ADAMTS6: variants seen among roughly 807,000 people sequenced by gnomAD.
The protein encoded by ADAMTS6 is A disintegrin and metalloproteinase with thrombospondin motifs 6.
Under a neutral mutation model 144.3 loss-of-function variants are expected in ADAMTS6, and 23 were observed. The ratio of observed to expected loss-of-function variants is 0.16; its 90% CI spans 0.11 to 0.23. ADAMTS6 has a LOEUF of 0.23. Ranked by LOEUF, ADAMTS6 falls within the 10% of genes least tolerant of loss-of-function variation. ADAMTS6 has a pLI of 1.00. For missense variants in ADAMTS6, 999 were observed against 1,379.6 expected (o/e 0.72, Z 4.37); for synonymous variants, 444 against 457.5 (o/e 0.97, Z 0.38).
intron 14 of ADAMTS6, among the ~76,000 whole-genome samples, chr5:65,254,389 T>C (rs1019610310): frequency 6.6e-6 from 1 of 151,948 alleles, no homozygotes; most frequent in Non-Finnish European, 1.5e-5. Context: ...AAAGAAAAAA[T>C]TCTAATAAAA....
At chr5:65,156,876 T>C (rs963523982) in intron 24 of ADAMTS6, among the ~76,000 whole-genome samples, 3 of 152,214 alleles carry the variant, frequency 2.0e-5, no homozygotes, top group Non-Finnish European at 4.4e-5. Flanking sequence ...TGTGAGGATA[T>C]TGGAAAGGTA....
chr5:65,339,399 G>C (rs1319811406), intron 7 of ADAMTS6, among the ~76,000 whole-genome samples: 2 of 150,230 alleles, frequency 1.3e-5, no homozygotes, highest in Non-Finnish European at 2.9e-5. Context: ...AGAAGAGGTA[G>C]CTTTTCTACC....
At chr5:65,219,763 A>AAT (rs1178612336) in intron 18 of ADAMTS6, among the ~76,000 whole-genome samples, 1 of 152,232 alleles carries the variant, frequency 6.6e-6, no homozygotes, top group Non-Finnish European at 1.5e-5. Flanking sequence ...TAAAATGCTC[A>AAT]ATATATCAAG....
Position 65,181,981 on chromosome 5 carries a change from T to C in ADAMTS6, c.2910+6035A>G, listed in dbSNP as rs574391381. Among the ~76,000 whole-genome samples, 35 of 152,360 alleles carry C rather than the reference T, an allele frequency of 2.3e-4. 1 individual carries two copies. Among genetic ancestry groups the C allele is most frequent in the African/African-American group, 8.4e-4 (35 of 41,596 alleles). On this transcript the variant is annotated intron_variant, in intron 22 of 24. Coordinates refer to ENST00000381055, the MANE Select transcript of ADAMTS6 (RefSeq NM_197941.4). ...ACTTTTTCCAGTGGCAAGAAGCTTC[T>C]GTTATTATTTTAAGAATGTAGTAGT...
chr5:65,195,578 G>GGAACAAGAAATGCACCTT (rs1309290964), intron 21 of ADAMTS6, among the ~76,000 whole-genome samples: 1 of 152,094 alleles, frequency 6.6e-6, no homozygotes, highest in Non-Finnish European at 1.5e-5. Flanking sequence ...TTATTGCTTT[G>GGAACAAGAAATGCACCTT]GAACAAGAAA....
chr5:65,451,548 A>G lies in ADAMTS6; in HGVS notation c.1000T>C (p.Ser334Pro), dbSNP rs1167670139. ...SFCKWQKSIL[S>P]HQSDGNTIPE... ...ATGGTGTTTCCATCACTTTGGTGGG[A>G]GAGAATGGATTTCTGCCATTTACAG... Residue 334 changes from serine (S) to proline (P), a missense_variant, in exon 7 of 25, where the codon TCC becomes CCC. By Grantham distance (74) the Ser-to-Pro change is moderately conservative. Coordinates refer to ENST00000381055, the MANE Select transcript of ADAMTS6 (RefSeq NM_197941.4). 2 of 1,613,596 alleles carry G rather than the reference A, an allele frequency of 1.2e-6. No homozygotes were observed. Among genetic ancestry groups the G allele is most frequent in the Non-Finnish European group, 1.7e-6 (2 of 1,179,790 alleles).
chr5:65,215,569 T>A, intron 18 of ADAMTS6, 82 bp from the exon 19 acceptor site: 6 of 1,174,984 alleles, frequency 5.1e-6, no homozygotes, highest in Non-Finnish European at 7.2e-6. Flanking sequence ...CAATAAAGTA[T>A]ACAATGAATA....
chr5:65,197,035 GCT>G lies in ADAMTS6; in HGVS notation c.2690_2691del (p.Glu897AlafsTer5). On this transcript the variant is annotated frameshift_variant, in exon 21 of 25. Transcript: ENST00000381055. LOFTEE classifies it high-confidence loss of function. ...PPENQRACNTEPCPPEWFIGD... is the reference protein window; with the variant it reads ...PPENQRACNTXPCPPEWFIGD... ...TCCCTTACTTACTCAGGTGGGCAGG[GCT>G]CAGTGTTGCAGGCTCTTTGATTTTC... The G allele has an allele frequency of 6.2e-7, 1 of 1,612,932 alleles. No homozygotes were observed. Among genetic ancestry groups the G allele is most frequent in the Non-Finnish European group, 8.5e-7 (1 of 1,179,306 alleles).
chr5:65,326,630 C>T (rs1172860538), intron 9 of ADAMTS6, among the ~76,000 whole-genome samples: 1 of 152,134 alleles, frequency 6.6e-6, no homozygotes, highest in Admixed American at 6.6e-5. Context: ...GTCAAATATT[C>T]TTCACTGTAA....
At chr5:65,206,313 T>C (rs947880816) in intron 20 of ADAMTS6, among the ~76,000 whole-genome samples, 16 of 152,246 alleles carry the variant, frequency 1.1e-4, no homozygotes, top group African/African-American at 3.6e-4. Context: ...TGTTCTGCAG[T>C]GCCCTTGGGC....
rs111376789 is a variant in ADAMTS6 at position 65,266,430 on chromosome 5, T to C, written c.1621-3468A>G. On this transcript the variant is annotated intron_variant, in intron 12 of 24. Coordinates refer to ENST00000381055, the MANE Select transcript of ADAMTS6 (RefSeq NM_197941.4). ...CAGAAAGTTAAGTAACAAACATTAA[T>C]GGGTAAATAATTTGTAATATAAGTA... 3.9e-3 allele frequency among the ~76,000 whole-genome samples: 597 copies of C among 152,064 alleles called. 6 individuals are homozygous for C. Among genetic ancestry groups the C allele is most frequent in the African/African-American group, 0.014 (578 of 41,552 alleles).
At chr5:65,364,053 G>T (rs921778283) in intron 7 of ADAMTS6, among the ~76,000 whole-genome samples, 2 of 152,122 alleles carry the variant, frequency 1.3e-5, no homozygotes. Context: ...ATCACATGAA[G>T]ATTTGATAAG....
At chr5:65,276,381 T>A (rs1334263175) in intron 11 of ADAMTS6, among the ~76,000 whole-genome samples, 4 of 152,208 alleles carry the variant, frequency 2.6e-5, no homozygotes. Flanking sequence ...GTAGAACTAG[T>A]CATGGAGAAG....
chr5:65,241,419 C>T (rs554776515), intron 15 of ADAMTS6, among the ~76,000 whole-genome samples: 2 of 151,792 alleles, frequency 1.3e-5, no homozygotes, highest in South Asian at 4.2e-4. Flanking sequence ...TTAGTAGAGA[C>T]GGTGTTTTGC....
chr5:65,318,547 A>G (rs1443800630), intron 9 of ADAMTS6, among the ~76,000 whole-genome samples: 1 of 152,250 alleles, frequency 6.6e-6, no homozygotes, highest in Non-Finnish European at 1.5e-5. Context: ...CTATTCAGCC[A>G]TAAGAAAGAA....
At chr5:65,192,783 C>A (rs1755097613) in intron 21 of ADAMTS6, among the ~76,000 whole-genome samples, 1 of 151,742 alleles carries the variant, frequency 6.6e-6, no homozygotes, top group Non-Finnish European at 1.5e-5. Flanking sequence ...GATAACTTTC[C>A]CCAGCAAGGA....
intron 11 of ADAMTS6, among the ~76,000 whole-genome samples, chr5:65,290,277 G>A (rs375425858): frequency 2.6e-5 from 4 of 152,220 alleles, no homozygotes; most frequent in African/African-American, 9.6e-5. Context: ...CAGGCCAGGC[G>A]CAGTGGCTCA....
intron 3 of ADAMTS6, among the ~76,000 whole-genome samples, chr5:65,461,272 A>C (rs868116348): frequency 6.6e-6 from 1 of 152,342 alleles, no homozygotes; most frequent in Middle Eastern, 3.4e-3. Flanking sequence ...GCTTTGTTAC[A>C]TCTCAAGTCG....
chr5:65,395,184 T>C (rs549235992), intron 7 of ADAMTS6, among the ~76,000 whole-genome samples: 18 of 152,216 alleles, frequency 1.2e-4, no homozygotes, highest in African/African-American at 4.1e-4. Flanking sequence ...GGAACCAAGA[T>C]TCAGGTGTAT....
Sources: gnomAD v4.1 joint callset for allele counts (sites outside exome capture counted in the v4.1 genomes callset) on GRCh38, gnomAD v4.1.1 for gene constraint, MANE v1.5 for transcripts, NCBI Gene and HGNC (gene_info 2026-07-23, HGNC 2026-07-21) for gene names.